PPM1L: variants seen among roughly 807,000 people sequenced by gnomAD.
PPM1L encodes the protein protein phosphatase 1L.
Under a neutral mutation model 31.4 loss-of-function variants are expected in PPM1L, and 13 were observed. The ratio of observed to expected loss-of-function variants is 0.41; its 90% CI spans 0.27 to 0.66. The LOEUF is 0.66. Among genes scored for constraint, PPM1L ranks in the 30% least tolerant of loss-of-function variants. The pLI is 0.29. For synonymous variants in PPM1L, 184 were observed against 175.4 expected, an observed-to-expected ratio of 1.05 and a Z score of -0.39; for missense variants, 326 against 453.7, an observed-to-expected ratio of 0.72 and a Z score of 2.56.
chr3:160,772,749 C>T (rs773100248), intron 1 of PPM1L, among the ~76,000 whole-genome samples: 3 of 152,136 alleles, frequency 2.0e-5, no homozygotes, highest in Non-Finnish European at 4.4e-5. Flanking sequence ...TCTAGGCAAC[C>T]ATTAATCTAC....
At chr3:160,822,389 C>T (rs1268302245) in intron 1 of PPM1L, among the ~76,000 whole-genome samples, 1 of 151,956 alleles carries the variant, frequency 6.6e-6, no homozygotes, top group Non-Finnish European at 1.5e-5. Context: ...TAGGACACCT[C>T]TCATGATTAC....
At chr3:160,878,441 A>T (rs1295600722) in intron 1 of PPM1L, among the ~76,000 whole-genome samples, 1 of 152,112 alleles carries the variant, frequency 6.6e-6, no homozygotes, top group Admixed American at 6.5e-5. Flanking sequence ...TAGCTTGCGG[A>T]TGGTTGTTTT....
chr3:161,006,278 A>G (rs535794829), intron 2 of PPM1L, among the ~76,000 whole-genome samples: 1 of 152,346 alleles, frequency 6.6e-6, no homozygotes, highest in African/African-American at 2.4e-5. Flanking sequence ...GTATGAGTCT[A>G]TTAATGCAAG....
At chr3:161,062,967 C>T (rs1376698891) in intron 2 of PPM1L, among the ~76,000 whole-genome samples, 1 of 152,108 alleles carries the variant, frequency 6.6e-6, no homozygotes, top group Non-Finnish European at 1.5e-5. Context: ...GCGACATGCT[C>T]ACCTAGAAAG....
chr3:160,874,165 A>C (rs1270192345), intron 1 of PPM1L, among the ~76,000 whole-genome samples: 1 of 152,068 alleles, frequency 6.6e-6, no homozygotes, highest in Non-Finnish European at 1.5e-5. Flanking sequence ...CAGCCATGTG[A>C]ATTAGGTTCA....
At chr3:160,949,305 A>G (rs1233582849) in intron 1 of PPM1L, among the ~76,000 whole-genome samples, 2 of 152,216 alleles carry the variant, frequency 1.3e-5, no homozygotes, top group African/African-American at 2.4e-5. Context: ...ATTTCTGGGA[A>G]AAGGATTTGT....
chr3:161,068,740 A>G, intron 3 of PPM1L, 71 bp from the exon 4 acceptor site: 1 of 1,310,664 alleles, frequency 7.6e-7, no homozygotes, highest in South Asian at 1.4e-5. Flanking sequence ...CCTGTTGCGC[A>G]CGTACCTAGA....
intron 1 of PPM1L, among the ~76,000 whole-genome samples, chr3:160,842,719 A>G (rs1713922484): frequency 6.6e-6 from 1 of 152,160 alleles, no homozygotes; most frequent in African/African-American, 2.4e-5. Context: ...GACCTTCCTT[A>G]CTGTCTGATA....
chr3:160,944,803 A>ATATATATGT lies in PPM1L; in HGVS notation c.400-16927_400-16926insTGTTATATA, dbSNP rs1553748139. 1.4e-4 allele frequency among the ~76,000 whole-genome samples: 8 copies of ATATATATGT among 59,238 alleles called. 1 individual carries two copies. The highest frequency in any genetic ancestry group is 8.0e-4 in the East Asian group (3 of 3,740). 38.9% of individuals were successfully genotyped at this position (59,238 alleles called of 152,430 possible). ...TTATATTATATATGTTATATATAAC[A>ATATATATGT]TATATAACATATATATGTTATATAT... On this transcript the variant is annotated intron_variant, in intron 1 of 3. Transcript: ENST00000498165.
intron 2 of PPM1L, among the ~76,000 whole-genome samples, chr3:161,017,833 AAC>A (rs1292491686): frequency 6.6e-6 from 1 of 152,072 alleles, no homozygotes; most frequent in Non-Finnish European, 1.5e-5. Context: ...ACAGGGGAAA[AAC>A]AGAGTTTTTG....
At chr3:160,829,294 AC>A (rs1254549453) in intron 1 of PPM1L, among the ~76,000 whole-genome samples, 1 of 152,046 alleles carries the variant, frequency 6.6e-6, no homozygotes, top group Non-Finnish European at 1.5e-5. Context: ...ACCAATGAAT[AC>A]TCAATAAATG....
intron 2 of PPM1L, among the ~76,000 whole-genome samples, chr3:161,046,110 C>CAAA (rs58794623): frequency 0.01 from 512 of 50,264 alleles, 100 homozygotes; most frequent in African/African-American, 0.041. Context: ...GACTCTGTCT[C>CAAA]AAAAAAAAAA....
chr3:160,856,274 G>C (rs1162498721), intron 1 of PPM1L, among the ~76,000 whole-genome samples: 1 of 151,912 alleles, frequency 6.6e-6, no homozygotes, highest in Admixed American at 6.6e-5. Context: ...ATATCCTTCA[G>C]TCCAATCAAG....
At chr3:160,911,661 T>C (rs1257428556) in intron 1 of PPM1L, among the ~76,000 whole-genome samples, 1 of 152,180 alleles carries the variant, frequency 6.6e-6, no homozygotes, top group Admixed American at 6.5e-5. Context: ...AAAGAGAGTG[T>C]ACTAGCATTG....
At chr3:160,761,316 T>C (rs1046417687) in intron 1 of PPM1L, among the ~76,000 whole-genome samples, 3 of 152,220 alleles carry the variant, frequency 2.0e-5, no homozygotes, top group Admixed American at 1.3e-4. Context: ...CATTTGCTTT[T>C]ATTGAATTGT....
chr3:160,952,506 C>CA (rs1007126172), intron 1 of PPM1L, among the ~76,000 whole-genome samples: 20 of 152,272 alleles, frequency 1.3e-4, no homozygotes, highest in Middle Eastern at 3.4e-3. Context: ...CCTCGGTGAC[C>CA]ATTTCCCTAA....
chr3:160,921,873 GT>G (rs34251043), intron 1 of PPM1L, among the ~76,000 whole-genome samples: 62,047 of 151,978 alleles, frequency 0.41, 14,292 homozygotes, highest in Non-Finnish European at 0.53. Flanking sequence ...AGGGATTTCA[GT>G]ATTAAGACCT....
intron 1 of PPM1L, among the ~76,000 whole-genome samples, chr3:160,894,836 A>G (rs1713280143): frequency 6.6e-6 from 1 of 152,192 alleles, no homozygotes; most frequent in Non-Finnish European, 1.5e-5. Flanking sequence ...ATCAAACATC[A>G]TGATTAATTT....
chr3:161,041,451 C>T (rs113796587), intron 2 of PPM1L, among the ~76,000 whole-genome samples: 3,982 of 152,162 alleles, frequency 0.026, 89 homozygotes, highest in South Asian at 0.043. Flanking sequence ...AAATATTTTA[C>T]AGAGTTTGAC....
Sources: allele counts gnomAD v4.1 joint callset (sites outside exome capture counted in the v4.1 genomes callset), GRCh38; gene constraint gnomAD v4.1.1; transcripts MANE v1.5; gene names NCBI Gene and HGNC (gene_info 2026-07-23, HGNC 2026-07-21).